Variants in SUGCT observed in about 807,000 individuals in gnomAD.
SUGCT encodes the protein succinyl-CoA:glutarate-CoA transferase.
In SUGCT, 41 loss-of-function variants were observed where a neutral mutation model predicts 55.0. That is an observed-to-expected ratio of 0.74 (90% CI 0.58 to 0.97). The LOEUF (loss-of-function observed/expected upper bound fraction) is 0.97, where lower values mean the gene tolerates loss of function less well. SUGCT is among the 50% of genes least tolerant of loss of function. The pLI is 0.00. For missense variants in SUGCT, 568 were observed against 547.8 expected, an observed-to-expected ratio of 1.04 and a Z score of -0.37; for synonymous variants, 187 against 200.4, an observed-to-expected ratio of 0.93 and a Z score of 0.56.
Position 40,146,419 on chromosome 7 carries a change from T to C in SUGCT, c.100+11299T>C, listed in dbSNP as rs1200581697. On this transcript the variant is annotated intron_variant, in intron 1 of 13. Coordinates refer to ENST00000335693, the MANE Select transcript of SUGCT (RefSeq NM_001193313.2). ...AAGACACACACGCAGAAATATAGAGTGTGGAGTGGGAAATTAGGGGTCTCA... is the reference window on the plus strand; with the variant it reads ...AAGACACACACGCAGAAATATAGAGCGTGGAGTGGGAAATTAGGGGTCTCA... 3.3e-5 allele frequency among the ~76,000 whole-genome samples: 5 copies of C among 151,880 alleles called. No homozygotes were observed. The East Asian group carries it at 9.7e-4, about 29-fold the overall frequency.
intron 7 of SUGCT, among the ~76,000 whole-genome samples, chr7:40,248,991 T>G (rs1358990972): frequency 2.6e-5 from 4 of 151,570 alleles, no homozygotes; most frequent in African/African-American, 9.7e-5. Flanking sequence ...TGCTATGGGT[T>G]AAAATACATG....
At chr7:40,943,750 G>A in the SUGCT span, among the ~76,000 whole-genome samples, 2 of 152,004 alleles carry the variant, frequency 1.3e-5, no homozygotes, top group African/African-American at 2.4e-5. Context: ...ACGTGTTCAC[G>A]TGTCTTTATA....
chr7:40,988,296 G>A, the SUGCT span, among the ~76,000 whole-genome samples: 1 of 150,164 alleles, frequency 6.7e-6, no homozygotes, highest in Non-Finnish European at 1.5e-5. Context: ...AAGACCCACA[G>A]GAATTGGTGG....
At chr7:40,929,917 T>G in the SUGCT span, among the ~76,000 whole-genome samples, 7 of 152,326 alleles carry the variant, frequency 4.6e-5, no homozygotes, top group African/African-American at 1.7e-4. Flanking sequence ...AGAAGCTCTT[T>G]AGTTTAATTA....
At chr7:40,783,683 T>C (rs1340844431) in intron 13 of SUGCT, 3 of 152,128 alleles carry the variant, frequency 2.0e-5, no homozygotes, top group African/African-American at 7.2e-5. Flanking sequence ...AAGATCCCTA[T>C]GTTTTATTAA....
chr7:40,849,452 GA>G (rs1266330535), intron 13 of SUGCT, among the ~76,000 whole-genome samples: 1 of 152,088 alleles, frequency 6.6e-6, no homozygotes, highest in Non-Finnish European at 1.5e-5. Flanking sequence ...TGGAGCTCTG[GA>G]AAAAGGGACT....
chr7:40,333,981 C>G (rs537286302), intron 9 of SUGCT, among the ~76,000 whole-genome samples: 54 of 152,050 alleles, frequency 3.6e-4, no homozygotes, highest in Non-Finnish European at 6.8e-4. Context: ...CAATTCCCAC[C>G]TATGAGTGAG....
intron 12 of SUGCT, among the ~76,000 whole-genome samples, chr7:40,496,793 T>C (rs1410277532): frequency 6.6e-6 from 1 of 152,252 alleles, no homozygotes; most frequent in East Asian, 1.9e-4. Context: ...CCTCTGATCA[T>C]ATGATTATCT....
chr7:40,960,415 C>G, the SUGCT span, among the ~76,000 whole-genome samples: 1 of 152,150 alleles, frequency 6.6e-6, no homozygotes, highest in Non-Finnish European at 1.5e-5. Context: ...TAAATGACAT[C>G]AGTATTTTTG....
chr7:40,452,761 A>G (rs1435223447), intron 10 of SUGCT, among the ~76,000 whole-genome samples: 1 of 152,192 alleles, frequency 6.6e-6, no homozygotes, highest in Non-Finnish European at 1.5e-5. Flanking sequence ...CACTTAATAA[A>G]TGACATCTAT....
At position 40,441,266 on chromosome 7, in the gene SUGCT, A is replaced by G. The variant is rs149218432; in HGVS notation, c.817-8021A>G. Among the ~76,000 whole-genome samples, 23 of 152,296 alleles carry G rather than the reference A, an allele frequency of 1.5e-4. No homozygotes were observed. The East Asian group carries it at 4.4e-3, about 29-fold the overall frequency. Reference sequence around the variant, plus strand: ...GGCTCTTAAATTATGTAAATTGTCTAATATCACACAGGTTAATTATTAATA... The same window carrying G: ...GGCTCTTAAATTATGTAAATTGTCTGATATCACACAGGTTAATTATTAATA... On this transcript the variant is annotated intron_variant, in intron 9 of 13. Coordinates refer to ENST00000335693, the MANE Select transcript of SUGCT (RefSeq NM_001193313.2).
At chr7:40,380,931 AT>A (rs1784838581) in intron 9 of SUGCT, among the ~76,000 whole-genome samples, 2 of 152,172 alleles carry the variant, frequency 1.3e-5, no homozygotes, top group Non-Finnish European at 2.9e-5. Flanking sequence ...GAAAACTTTG[AT>A]TTAAAAAATG....
chr7:40,626,685 TA>T (rs921970005), intron 12 of SUGCT, among the ~76,000 whole-genome samples: 2 of 152,084 alleles, frequency 1.3e-5, no homozygotes, highest in African/African-American at 4.8e-5. Flanking sequence ...TGAGAAAACT[TA>T]TGGGGAATGG....
intron 12 of SUGCT, among the ~76,000 whole-genome samples, chr7:40,553,272 C>T (rs1456291324): frequency 6.6e-6 from 1 of 152,008 alleles, no homozygotes; most frequent in Non-Finnish European, 1.5e-5. Context: ...TAGGGAACTC[C>T]TAGGAATTAA....
At chr7:40,200,135 T>A (rs1786509097) in intron 6 of SUGCT, among the ~76,000 whole-genome samples, 1 of 152,166 alleles carries the variant, frequency 6.6e-6, no homozygotes, top group African/African-American at 2.4e-5. Flanking sequence ...AATGCCCAAA[T>A]AGCTCCCCTC....
intron 8 of SUGCT, among the ~76,000 whole-genome samples, chr7:40,312,550 TG>T (rs2151100464): frequency 6.6e-6 from 1 of 152,158 alleles, no homozygotes; most frequent in South Asian, 2.1e-4. Flanking sequence ...GGGGGATGCA[TG>T]GGTAGGTTAA....
chr7:40,506,924 T>C (rs1792637742), intron 12 of SUGCT, among the ~76,000 whole-genome samples: 1 of 152,338 alleles, frequency 6.6e-6, no homozygotes, highest in South Asian at 2.1e-4. Context: ...ATTGATATTA[T>C]CTCCTTTAGG....
intron 9 of SUGCT, among the ~76,000 whole-genome samples, chr7:40,409,570 C>A (rs1222981845): frequency 6.6e-6 from 1 of 152,152 alleles, no homozygotes. Flanking sequence ...CCTGTTGTCT[C>A]TTACTACCTC....
chr7:40,709,453 T>A (rs1785589152), intron 12 of SUGCT, among the ~76,000 whole-genome samples: 1 of 152,212 alleles, frequency 6.6e-6, no homozygotes, highest in Non-Finnish European at 1.5e-5. Context: ...GATATGGTCT[T>A]AGGCAAAGTC....
Sources: gnomAD v4.1 joint callset for allele counts (sites outside exome capture counted in the v4.1 genomes callset) on GRCh38, gnomAD v4.1.1 for gene constraint, MANE v1.5 for transcripts, NCBI Gene and HGNC (gene_info 2026-07-23, HGNC 2026-07-21) for gene names.